Variants in EYA2 observed in about 807,000 individuals in gnomAD.
EYA2 encodes protein phosphatase EYA2.
A neutral mutation model predicts 69.2 loss-of-function variants in EYA2; 31 were observed. That is an observed-to-expected ratio of 0.45 (90% CI 0.34 to 0.60). EYA2 has a LOEUF of 0.60. EYA2 is among the 20% of genes least tolerant of loss of function. The pLI is 0.02. For synonymous variants in EYA2, 257 were observed against 279.4 expected (o/e 0.92, Z 0.80); for missense variants, 622 against 701.2 (o/e 0.89, Z 1.28).
chr20:47,061,575 C>T (rs189386288), intron 5 of EYA2, among the ~76,000 whole-genome samples: 9 of 152,248 alleles, frequency 5.9e-5, no homozygotes, highest in Admixed American at 3.3e-4. Flanking sequence ...CCTGCTAAGC[C>T]ATTTTGCCTA....
intron 5 of EYA2, among the ~76,000 whole-genome samples, chr20:47,053,030 C>T (rs989860482): frequency 1.1e-4 from 16 of 152,310 alleles, no homozygotes; most frequent in Non-Finnish European, 1.9e-4. Context: ...GGGTCATCTT[C>T]GTCTCCCCAG....
chr20:46,945,673 C>T (rs1018589414), intron 1 of EYA2, among the ~76,000 whole-genome samples: 6 of 152,216 alleles, frequency 3.9e-5, no homozygotes, highest in Admixed American at 2.6e-4. Context: ...TGATCTTAGA[C>T]GGAATCTGCC....
chr20:47,054,674 A>G (rs923935972), intron 5 of EYA2, among the ~76,000 whole-genome samples: 3 of 152,112 alleles, frequency 2.0e-5, no homozygotes, highest in African/African-American at 7.2e-5. Flanking sequence ...CATCCCATAC[A>G]GAGTTCTTTC....
rs1488099583 is a variant in EYA2, at chr20:47,161,713, C to T, written c.979-7426C>T. 2.1e-5 allele frequency: 4 copies of T among 193,250 alleles called. No homozygotes were observed. The South Asian group carries it at 2.7e-4, about 13-fold the overall frequency. 12.0% of individuals were successfully genotyped at this position (193,250 alleles called of 1,614,324 possible). ...CCTCCAGCCCCCCATCCCCCAAAAC[C>T]GGATGTTTTCTTGGAGAAGAAAGAA... On this transcript the variant is annotated intron_variant, in intron 10 of 15. Coordinates refer to ENST00000327619, the MANE Select transcript of EYA2 (RefSeq NM_005244.5).
chr20:46,911,935 A>G (rs1032363738), intron 1 of EYA2, among the ~76,000 whole-genome samples: 1 of 152,216 alleles, frequency 6.6e-6, no homozygotes, highest in Non-Finnish European at 1.5e-5. Flanking sequence ...GAAAAGATTG[A>G]AATGTTCCCA....
At chr20:47,179,314 A>ATGGG (rs1468953785) in intron 12 of EYA2, among the ~76,000 whole-genome samples, 3 of 46,096 alleles carry the variant, frequency 6.5e-5, no homozygotes, top group Non-Finnish European at 1.1e-4. Flanking sequence ...GGGTAGACTG[A>ATGGG]TGGGTGGGTG....
intron 15 of EYA2, among the ~76,000 whole-genome samples, 192 bp downstream of exon 15, chr20:47,183,583 C>G (rs188331607): frequency 1.6e-4 from 25 of 152,138 alleles, no homozygotes; most frequent in Admixed American, 7.2e-4. Context: ...TACAAATCCC[C>G]CTCTCTGCCT....
At chr20:47,159,403 C>G (rs1020013242) in intron 10 of EYA2, among the ~76,000 whole-genome samples, 1 of 152,000 alleles carries the variant, frequency 6.6e-6, no homozygotes, top group Admixed American at 6.5e-5. Flanking sequence ...CTCCTTCACA[C>G]CGTCCTCAAA....
intron 9 of EYA2, among the ~76,000 whole-genome samples, chr20:47,100,852 C>T (rs958499604): frequency 1.3e-5 from 2 of 152,244 alleles, no homozygotes; most frequent in Middle Eastern, 3.2e-3. Context: ...GTTTATTTCA[C>T]TCCCCTGCAG....
chr20:46,955,200 G>A lies in EYA2; in HGVS notation c.-10-34801G>A, dbSNP rs376388480. On this transcript the variant is annotated intron_variant, in intron 1 of 15. Coordinates refer to ENST00000327619, the MANE Select transcript of EYA2 (RefSeq NM_005244.5). The stretch of plus-strand genomic sequence containing the variant: ...TGCCCAGGCTGGAGTGCAATGGCGC[G>A]ATCTCGGCTCACCGCAGCCTCCGCC... Among the ~76,000 whole-genome samples the A allele has an allele frequency of 1.0e-4, 15 of 149,876 alleles. No homozygotes were observed. In the East Asian group the frequency reaches 1.4e-3, roughly 14 times the overall value.
At chr20:47,088,961 T>C (rs1359896408) in intron 7 of EYA2, among the ~76,000 whole-genome samples, 1 of 152,182 alleles carries the variant, frequency 6.6e-6, no homozygotes, top group Non-Finnish European at 1.5e-5. Context: ...CTGTCTCCTC[T>C]CACTAGCGTT....
At chr20:47,129,717 C>A (rs945679632) in intron 9 of EYA2, among the ~76,000 whole-genome samples, 2 of 152,148 alleles carry the variant, frequency 1.3e-5, no homozygotes, top group Admixed American at 1.3e-4. Context: ...CACAGAGGGG[C>A]TCCTTGTCTT....
chr20:46,964,598 A>G (rs1461307717), intron 1 of EYA2, among the ~76,000 whole-genome samples: 1 of 152,184 alleles, frequency 6.6e-6, no homozygotes, highest in Non-Finnish European at 1.5e-5. Context: ...CATGGCAGAT[A>G]ATAGACTCTG....
intron 3 of EYA2, among the ~76,000 whole-genome samples, chr20:47,004,077 A>G (rs1483682458): frequency 3.3e-5 from 5 of 152,264 alleles, no homozygotes; most frequent in Non-Finnish European, 7.3e-5. Flanking sequence ...ATCCTAGCCC[A>G]TTATAGAACC....
intron 6 of EYA2, 152 bp from the exon 7 acceptor site, chr20:47,074,006 C>G (rs180919978): frequency 4.6e-6 from 3 of 651,840 alleles, no homozygotes; most frequent in Non-Finnish European, 7.3e-6. Flanking sequence ...ATCCTTGCCC[C>G]GGGGTCTGCT....
In EYA2 at chr20:47,016,221, G is replaced by A. The variant is rs779576777; in HGVS notation, c.339G>A (p.Gln113=). 1.2e-5 allele frequency: 20 copies of A among 1,614,166 alleles called. No individual in the cohort carries two copies. Among genetic ancestry groups the A allele is most frequent in the Non-Finnish European group, 1.7e-5 (20 of 1,180,030 alleles). Residue 113 remains glutamine, a synonymous_variant, in exon 5 of 16, where the codon CAG becomes CAA. Transcript: ENST00000327619. The part of the protein sequence containing the change: ...TEDSLNHSPG[Q]SGFLSYGSSF... ...ACAGCTTGAACCATTCCCCTGGCCA[G>A]AGTGGATTCCTCAGCTATGGCTCCA...
At chr20:46,944,504 A>G (rs1389638651) in intron 1 of EYA2, among the ~76,000 whole-genome samples, 2 of 152,280 alleles carry the variant, frequency 1.3e-5, no homozygotes, top group East Asian at 3.9e-4. Context: ...CACTCAGGGC[A>G]TGCAAGCCAC....
chr20:47,176,622 C>T (rs1030650805), intron 12 of EYA2, among the ~76,000 whole-genome samples: 4 of 152,184 alleles, frequency 2.6e-5, no homozygotes, highest in Admixed American at 6.5e-5. Flanking sequence ...ATCAGTTCAG[C>T]TACATTCAAC....
intron 1 of EYA2, among the ~76,000 whole-genome samples, chr20:46,984,373 A>G (rs1981041662): frequency 9.0e-6 from 1 of 110,534 alleles, no homozygotes; most frequent in African/African-American, 3.4e-5. Context: ...ACTCCAGCAA[A>G]TCAGTAAGAA....
Sources: gnomAD v4.1 joint callset for allele counts (sites outside exome capture counted in the v4.1 genomes callset) on GRCh38, gnomAD v4.1.1 for gene constraint, MANE v1.5 for transcripts, NCBI Gene and HGNC (gene_info 2026-07-23, HGNC 2026-07-21) for gene names.